The following IGFBP4 variants were observed in gnomAD, a reference collection of about 807,000 sequenced individuals.
The protein encoded by IGFBP4 is insulin-like growth factor-binding protein 4.
In IGFBP4, 9 loss-of-function variants were observed where a neutral mutation model predicts 25.8. The ratio of observed to expected loss-of-function variants is 0.35; its 90% CI spans 0.21 to 0.61. The LOEUF is 0.61. Ranked by LOEUF, IGFBP4 falls within the 20% of genes least tolerant of loss-of-function variation. The probability of loss-of-function intolerance (pLI) is 0.77; values close to 1 mark genes in which losing one functional copy is unlikely to be tolerated. For missense variants in IGFBP4, 315 were observed against 365.3 expected, an observed-to-expected ratio of 0.86 and a Z score of 1.12; for synonymous variants, 153 against 153.9, an observed-to-expected ratio of 0.99 and a Z score of 0.05.
chr17:40,457,403 A>G lies in IGFBP4; in HGVS notation c.*820A>G, dbSNP rs1212858626. ...AGTCAGGGTGGGAAGAAAGAATGCA[A>G]GAGTGGACTGAATGTGCCTAATGGA... On this transcript the variant is annotated 3_prime_UTR_variant, in exon 4 of 4. Coordinates refer to ENST00000269593, the MANE Select transcript of IGFBP4 (RefSeq NM_001552.3). 1 of 152,258 alleles carries G rather than the reference A, an allele frequency of 6.6e-6. No homozygotes were observed. The highest frequency in any genetic ancestry group is 1.9e-4 in the East Asian group (1 of 5,190). The allele number at this position is 152,258 out of a possible 1,614,324, so 9.4% of individuals were successfully genotyped here. A position where few individuals can be genotyped will look rare whatever the true frequency, so the allele number is the denominator to read the frequency against.
Position 40,443,856 on chromosome 17 carries a change from C to A in IGFBP4, c.121C>A (p.Pro41Thr), listed in dbSNP as rs758124086. The change falls in exon 1 of 4, where the codon CCC becomes ACC. Residue 41 changes from proline (P) to threonine (T), a missense_variant. By Grantham distance (38) the Pro-to-Thr change is conservative (BLOSUM62 -1). Transcript: ENST00000269593. ...GGAGAAGCTGGCGCGCTGCCGCCCCCCCGTGGGCTGCGAGGAGCTGGTGCG... is the reference window on the plus strand; with the variant it reads ...GGAGAAGCTGGCGCGCTGCCGCCCCACCGTGGGCTGCGAGGAGCTGGTGCG... ...SEEKLARCRP[P>T]VGCEELVREP... is the part of the protein sequence containing the mutation. The A allele has an allele frequency of 9.1e-5, 140 of 1,531,874 alleles. No individual in the cohort carries two copies. Among genetic ancestry groups the A allele is most frequent in the Middle Eastern group, 4.6e-4 (2 of 4,370 alleles). 94.9% of individuals were successfully genotyped at this position (1,531,874 alleles called of 1,614,324 possible).
intron 1 of IGFBP4, among the ~76,000 whole-genome samples, chr17:40,451,900 G>C (rs1179079436): frequency 6.6e-6 from 1 of 152,166 alleles, no homozygotes; most frequent in African/African-American, 2.4e-5. Context: ...GCAGTGGTGT[G>C]ATCATAGCTC....
At chr17:40,452,336 T>A (rs72819623) in intron 1 of IGFBP4, among the ~76,000 whole-genome samples, 3,005 of 152,266 alleles carry the variant, frequency 0.02, 37 homozygotes, top group Non-Finnish European at 0.031. Flanking sequence ...AGGCTGTTCT[T>A]GTGGTCCTGG....
At chr17:40,454,202 AC>A in intron 3 of IGFBP4, 140 bp downstream of exon 3, 1 of 1,243,706 alleles carries the variant, frequency 8.0e-7, no homozygotes, top group South Asian at 1.6e-5. Flanking sequence ...GCCTCCCTAA[AC>A]CTACCTCAGC....
intron 3 of IGFBP4, among the ~76,000 whole-genome samples, chr17:40,455,007 G>A (rs1479613841): frequency 6.6e-6 from 1 of 152,218 alleles, no homozygotes; most frequent in Non-Finnish European, 1.5e-5. Context: ...AAGGGACAGA[G>A]AGGGCACCCC....
chr17:40,454,104 C>T (rs778037872), intron 3 of IGFBP4, 42 bp downstream of exon 3: 29 of 1,589,974 alleles, frequency 1.8e-5, no homozygotes, highest in Non-Finnish European at 2.5e-5. Flanking sequence ...GGACTCAGCT[C>T]TGGGGCATTT....
Position 40,453,453 on chromosome 17 carries a change from C to T in IGFBP4, c.507+311C>T, listed in dbSNP as rs1252705571. Among the ~76,000 whole-genome samples the T allele has an allele frequency of 6.6e-6, 1 of 152,124 alleles. No homozygotes were observed. Among genetic ancestry groups the T allele is most frequent in the East Asian group, 1.9e-4 (1 of 5,180 alleles). Reference sequence around the variant, plus strand: ...ATTGGTAAAAAGCAGTTACCCAAAGCGCCCTGGGGTTTCTTGGCCTTTTTT... The same window carrying T: ...ATTGGTAAAAAGCAGTTACCCAAAGTGCCCTGGGGTTTCTTGGCCTTTTTT... On this transcript the variant is annotated intron_variant, in intron 2 of 3. Coordinates refer to ENST00000269593, the MANE Select transcript of IGFBP4 (RefSeq NM_001552.3). This position sits in a 1 kb window ranked among gnomAD's most constrained non-coding sequence, Gnocchi z 4.0.
chr17:40,447,735 T>C (rs1397165031), intron 1 of IGFBP4, among the ~76,000 whole-genome samples: 2 of 152,164 alleles, frequency 1.3e-5, no homozygotes, highest in African/African-American at 4.8e-5. Flanking sequence ...ATTTTCCTAA[T>C]TTTTAAAGTG....
chr17:40,456,622 C>T lies in IGFBP4; in HGVS notation c.*39C>T, dbSNP rs2035716252. On this transcript the variant is annotated 3_prime_UTR_variant, in exon 4 of 4. Transcript: ENST00000269593. Reference sequence around the variant, plus strand: ...GCCAGGGACTCAGCGTCCCCTGCTACTCCTGTGCTCTGGAGGCTGCAGAGC... The same window carrying T: ...GCCAGGGACTCAGCGTCCCCTGCTATTCCTGTGCTCTGGAGGCTGCAGAGC... 13 of 1,594,610 alleles carry T rather than the reference C, an allele frequency of 8.2e-6. No individual in the cohort carries two copies. The highest frequency in any genetic ancestry group is 1.0e-5 in the Non-Finnish European group (12 of 1,170,304).
At position 40,443,876 on chromosome 17, in the gene IGFBP4, G is replaced by C; in HGVS notation, c.141G>C (p.Leu47=). ...GCCCCCCCGTGGGCTGCGAGGAGCT[G>C]GTGCGAGAGCCGGGCTGCGGCTGTT... The part of the protein sequence containing the change: ...RCRPPVGCEE[L]VREPGCGCCA... Residue 47 remains leucine (L), a synonymous_variant, in exon 1 of 4, where the codon CTG becomes CTC. Transcript: ENST00000269593. 6.5e-7 allele frequency: 1 copy of C among 1,531,426 alleles called. No homozygotes were observed. Among genetic ancestry groups the C allele is most frequent in the Non-Finnish European group, 8.7e-7 (1 of 1,144,776 alleles). 94.9% of individuals were successfully genotyped at this position (1,531,426 alleles called of 1,614,324 possible).
rs1359557233 is a variant in IGFBP4 at position 40,456,567 on chromosome 17, A to G, written c.761A>G (p.Asp254Gly). The change falls in exon 4 of 4, where the codon GAC becomes GGC. Residue 254 changes from aspartate (D) to glycine (G), a missense_variant. Coordinates refer to ENST00000269593, the MANE Select transcript of IGFBP4 (RefSeq NM_001552.3). ...GAGCTGGACTGCCACCAGCTGGCTG[A>G]CAGCTTTCGAGAGTGAGGCCTGCCA... ...KGELDCHQLA[D>G]SFRE is the part of the protein sequence containing the mutation. 2.5e-6 allele frequency: 4 copies of G among 1,612,892 alleles called. No individual in the cohort carries two copies. The highest frequency in any genetic ancestry group is 1.3e-5 in the African/African-American group (1 of 74,886).
intron 1 of IGFBP4, among the ~76,000 whole-genome samples, chr17:40,450,170 G>T (rs544629819): frequency 2.0e-4 from 31 of 152,134 alleles, no homozygotes; most frequent in African/African-American, 7.0e-4. Flanking sequence ...ACCACACCAG[G>T]CTAATTTTTT....
Position 40,443,718 on chromosome 17 carries a change from CCCAGT to C in IGFBP4, c.-15_-11del. The C allele has an allele frequency of 7.3e-7, 1 of 1,377,362 alleles. No individual in the cohort carries two copies. Among genetic ancestry groups the C allele is most frequent in the South Asian group, 1.6e-5 (1 of 61,452 alleles). 85.3% of individuals were successfully genotyped at this position (1,377,362 alleles called of 1,614,324 possible). ...CTGCGCCCAGCGCCCCGCGCCCGCG[CCCAGT>C]CCTCGGGCGGTCATGCTGCCCCTCT... On this transcript the variant is annotated 5_prime_UTR_variant, in exon 1 of 4. Transcript: ENST00000269593.
chr17:40,444,932 CAGAGAGAGAGAG>C (rs10603634), intron 1 of IGFBP4, among the ~76,000 whole-genome samples: 2,600 of 75,306 alleles, frequency 0.035, 62 homozygotes, highest in South Asian at 0.16. Context: ...CACACAGAGA[CAGAGAGAGAGAG>C]AGAGAGAGAG....
intron 1 of IGFBP4, among the ~76,000 whole-genome samples, chr17:40,448,398 A>G (rs576461185): frequency 6.6e-6 from 1 of 152,274 alleles, no homozygotes; most frequent in Non-Finnish European, 1.5e-5. Context: ...CCCTATAGTC[A>G]GATGTCAACT....
rs1036726857 is a variant in IGFBP4 at position 40,443,691 on chromosome 17, G to C, written c.-45G>C. 8 of 1,181,200 alleles carry C rather than the reference G, an allele frequency of 6.8e-6. No individual in the cohort carries two copies. The African/African-American group carries it at 1.3e-4, about 19-fold the overall frequency. The allele number at this position is 1,181,200 out of a possible 1,614,324, so 73.2% of individuals were successfully genotyped here. A position where few individuals can be genotyped will look rare whatever the true frequency, so the allele number is the denominator to read the frequency against. On this transcript the variant is annotated 5_prime_UTR_variant, in exon 1 of 4. Transcript: ENST00000269593. ...GCTCGCCCGCGCGCCCGCGCTCCCCGCCTGCGCCCAGCGCCCCGCGCCCGC... is the reference window on the plus strand; with the variant it reads ...GCTCGCCCGCGCGCCCGCGCTCCCCCCCTGCGCCCAGCGCCCCGCGCCCGC...
chr17:40,444,884 AACACACACACACACAC>A (rs756211064), intron 1 of IGFBP4, among the ~76,000 whole-genome samples: 1,843 of 80,338 alleles, frequency 0.023, 37 homozygotes, highest in Middle Eastern at 0.047. Flanking sequence ...GAGAGAGAGA[AACACACACACACACAC>A]ACACACACAC....
chr17:40,454,579 C>T (rs2035704543), intron 3 of IGFBP4, among the ~76,000 whole-genome samples: 1 of 152,160 alleles, frequency 6.6e-6, no homozygotes, highest in Non-Finnish European at 1.5e-5. Context: ...GAAGGTAAAA[C>T]CAGATTGGAC....
In IGFBP4 at chr17:40,456,556, C is replaced by T. The variant is rs1421826814; in HGVS notation, c.750C>T (p.His250=). Residue 250 remains histidine (H), a synonymous_variant, in exon 4 of 4, where the codon CAC becomes CAT. Coordinates refer to ENST00000269593, the MANE Select transcript of IGFBP4 (RefSeq NM_001552.3). ...AGCCAAAGGGGGAGCTGGACTGCCA[C>T]CAGCTGGCTGACAGCTTTCGAGAGT... ...GLEPKGELDC[H]QLADSFRE is the part of the protein sequence containing the mutation. The T allele has an allele frequency of 6.2e-6, 10 of 1,613,194 alleles. 1 individual carries two copies. The South Asian group carries it at 9.9e-5, about 16-fold the overall frequency.
Sources: allele counts gnomAD v4.1 joint callset (sites outside exome capture counted in the v4.1 genomes callset), GRCh38; gene constraint gnomAD v4.1.1; non-coding constraint Gnocchi (gnomAD v3.1); transcripts MANE v1.5; gene names NCBI Gene and HGNC (gene_info 2026-07-23, HGNC 2026-07-21).